The following PCDHA11 variants were observed in gnomAD, a reference collection of about 807,000 sequenced individuals.
The protein encoded by PCDHA11 is protocadherin alpha-11.
A neutral mutation model predicts 70.3 loss-of-function variants in PCDHA11; 61 were observed. The ratio of observed to expected loss-of-function variants is 0.87; its 90% CI spans 0.71 to 1.07. The LOEUF is 1.07. PCDHA11 is among the 50% of genes least tolerant of loss of function. The pLI, the probability that PCDHA11 is intolerant of heterozygous loss-of-function variation, is 0.00. For missense variants in PCDHA11, 1,324 were observed against 1,237.5 expected (o/e 1.07, Z -1.05); for synonymous variants, 633 against 555.1 (o/e 1.14, Z -1.97).
chr5:141,009,935 T>C lies in PCDHA11; in HGVS notation c.2848T>C (p.Ter950ArgextTer53). The change falls in exon 4 of 4, where the codon TGA (stop) becomes CGA (arginine). Residue 950 changes from the stop codon to arginine, a stop_lost. Coordinates refer to ENST00000398640, the MANE Select transcript of PCDHA11 (RefSeq NM_018902.5). ...CAGCACGACTGACAACAGTGACCAG[T>C]GAGGTCCTCAAATGGAAACAAGCCA... ...GNSTTDNSDQ[*>R] 1.2e-6 allele frequency: 2 copies of C among 1,602,416 alleles called. No homozygotes were observed. The highest frequency in any genetic ancestry group is 1.7e-6 in the Non-Finnish European group (2 of 1,176,054).
Position 140,968,192 on chromosome 5 carries a change from A to G in PCDHA11, c.2392-10757A>G, listed in dbSNP as rs555596025. The G allele has an allele frequency of 2.5e-6, 4 of 1,614,038 alleles. No individual in the cohort carries two copies. The Admixed American group carries it at 5.0e-5, about 20-fold the overall frequency. ...AAGCTTCCTGGAGGACTCCTATTCC[A>G]TCTACATACAGGAGAACAATTTGCC... On this transcript the variant is annotated intron_variant, in intron 1 of 3. Coordinates refer to ENST00000398640, the MANE Select transcript of PCDHA11 (RefSeq NM_018902.5).
At chr5:140,968,125 T>G in intron 1 of PCDHA11, 2 of 1,614,174 alleles carry the variant, frequency 1.2e-6, no homozygotes, top group South Asian at 2.2e-5. Flanking sequence ...CATCCCTGCG[T>G]ACACTGAAGG....
intron 1 of PCDHA11, among the ~76,000 whole-genome samples, chr5:140,957,571 G>C (rs2095367794): frequency 6.6e-6 from 1 of 152,186 alleles, no homozygotes; most frequent in South Asian, 2.1e-4. Context: ...AGGGACTACT[G>C]TACTTTTAAC....
At chr5:140,885,236 T>C (rs2060525853) in intron 1 of PCDHA11, among the ~76,000 whole-genome samples, 1 of 152,166 alleles carries the variant, frequency 6.6e-6, no homozygotes, top group Non-Finnish European at 1.5e-5. Context: ...CTGCTTTCAA[T>C]TTTTTATTTG....
chr5:140,914,126 G>T (rs2076615202), intron 1 of PCDHA11, among the ~76,000 whole-genome samples: 1 of 152,132 alleles, frequency 6.6e-6, no homozygotes, highest in Non-Finnish European at 1.5e-5. Context: ...ATGTTTCTTT[G>T]TTGAGTTTTT....
intron 1 of PCDHA11, among the ~76,000 whole-genome samples, chr5:140,947,921 C>A (rs1327858146): frequency 6.6e-6 from 1 of 151,536 alleles, no homozygotes; most frequent in African/African-American, 2.4e-5. Context: ...CTTGCCTTAA[C>A]CCTGATCTTA....
chr5:140,875,531 T>G, intron 1 of PCDHA11: 1 of 1,614,100 alleles, frequency 6.2e-7, no homozygotes. Flanking sequence ...TCGCTTCTGC[T>G]CCTTGCAGCC....
At chr5:140,905,202 T>C (rs1554191944) in intron 1 of PCDHA11, among the ~76,000 whole-genome samples, 1 of 152,196 alleles carries the variant, frequency 6.6e-6, no homozygotes, top group Non-Finnish European at 1.5e-5. Flanking sequence ...CCATCTTGAG[T>C]TGATTTTTGT....
chr5:140,882,662 A>G (rs1554175058), intron 1 of PCDHA11: 7 of 1,614,224 alleles, frequency 4.3e-6, no homozygotes, highest in Non-Finnish European at 5.9e-6. Context: ...CAACCCGCCC[A>G]TATTCCCTGA....
intron 1 of PCDHA11, chr5:140,967,346 G>C (rs1332345482): frequency 6.2e-7 from 1 of 1,607,970 alleles, no homozygotes; most frequent in Non-Finnish European, 8.5e-7. Context: ...CGAGCACTTC[G>C]AGCTGGACCT....
chr5:140,888,712 A>G (rs567823119), intron 1 of PCDHA11, among the ~76,000 whole-genome samples: 34 of 152,168 alleles, frequency 2.2e-4, no homozygotes, highest in Non-Finnish European at 4.1e-4. Flanking sequence ...GGAATGTGAA[A>G]TATTTCCAGC....
rs1554162871 is a variant in PCDHA11 at position 140,869,304 on chromosome 5, G to A, written c.201G>A (p.Ala67=). The change falls in exon 1 of 4, where the codon GCG becomes GCA. Residue 67 remains alanine, a synonymous_variant. Transcript: ENST00000398640. Reference sequence around the variant, plus strand: ...TGGTGCAGCGCCTGTTCCGGGTGGCGTCCAAAACACATGGGGACCTTCTGG... The same window carrying A: ...TGGTGCAGCGCCTGTTCCGGGTGGCATCCAAAACACATGGGGACCTTCTGG... ...AELVQRLFRV[A]SKTHGDLLEV... is the part of the protein sequence containing the mutation. The A allele has an allele frequency of 1.9e-6, 3 of 1,613,648 alleles. No individual in the cohort carries two copies. Among genetic ancestry groups the A allele is most frequent in the South Asian group, 1.1e-5 (1 of 91,062 alleles).
At chr5:141,004,030 C>T (rs1337271425) in intron 3 of PCDHA11, among the ~76,000 whole-genome samples, 1 of 152,204 alleles carries the variant, frequency 6.6e-6, no homozygotes, top group Non-Finnish European at 1.5e-5. Flanking sequence ...GAAACATTTC[C>T]TTGATTGATC....
chr5:140,870,855 G>T lies in PCDHA11; in HGVS notation c.1752G>T (p.Val584=). The change falls in exon 1 of 4, where the codon GTG becomes GTT. Residue 584 remains valine (V), a synonymous_variant. Transcript: ENST00000398640. ...GAVNKLVPRS[V]GAGHVVAKVR... ...TTAACAAGCTAGTACCGCGGTCGGT[G>T]GGTGCGGGCCACGTGGTGGCGAAGG... 3.7e-6 allele frequency: 6 copies of T among 1,613,910 alleles called. No homozygotes were observed. The highest frequency in any genetic ancestry group is 2.2e-5 in the East Asian group (1 of 44,872).
chr5:140,950,995 C>G (rs1554219713), intron 1 of PCDHA11, among the ~76,000 whole-genome samples: 1 of 151,856 alleles, frequency 6.6e-6, no homozygotes, highest in Non-Finnish European at 1.5e-5. Flanking sequence ...TCTTTTAGCT[C>G]CATTTTTCCC....
intron 3 of PCDHA11, among the ~76,000 whole-genome samples, chr5:140,988,459 G>A (rs1554250155): frequency 6.6e-6 from 1 of 152,152 alleles, no homozygotes; most frequent in Admixed American, 6.5e-5. Context: ...AGGAAGCAAG[G>A]GTGTGGGAAG....
intron 1 of PCDHA11, among the ~76,000 whole-genome samples, chr5:140,918,323 T>C (rs1554198562): frequency 7.2e-5 from 11 of 152,184 alleles, no homozygotes. Flanking sequence ...TATAAAATTA[T>C]ATTGTCTGCT....
chr5:140,932,608 T>C (rs573580763), intron 1 of PCDHA11, among the ~76,000 whole-genome samples: 1 of 151,996 alleles, frequency 6.6e-6, no homozygotes, highest in African/African-American at 2.4e-5. Flanking sequence ...TATTTTGACT[T>C]TGAAGCTGAT....
chr5:140,998,042 C>T (rs187874119), intron 3 of PCDHA11, among the ~76,000 whole-genome samples: 21 of 152,284 alleles, frequency 1.4e-4, no homozygotes, highest in Non-Finnish European at 2.2e-4. Flanking sequence ...TGTCACTTAA[C>T]TCAGTGACAT....
Sources: allele counts gnomAD v4.1 joint callset (sites outside exome capture counted in the v4.1 genomes callset), GRCh38; gene constraint gnomAD v4.1.1; transcripts MANE v1.5; gene names NCBI Gene and HGNC (gene_info 2026-07-23, HGNC 2026-07-21).